The following ATXN7 variants were observed in gnomAD, a reference collection of about 807,000 sequenced individuals.
The protein encoded by ATXN7 is ataxin 7, also known as ataxin-7.
A neutral mutation model predicts 70.5 loss-of-function variants in ATXN7; 12 were observed. The ratio of observed to expected loss-of-function variants is 0.17; its 90% CI spans 0.11 to 0.28. The LOEUF is 0.28. Among genes scored for constraint, ATXN7 ranks in the 10% least tolerant of loss-of-function variants. ATXN7 has a pLI of 1.00. For synonymous variants in ATXN7, 498 were observed against 448.7 expected, an observed-to-expected ratio of 1.11 and a Z score of -1.39; for missense variants, 1,256 against 1,131.7, an observed-to-expected ratio of 1.11 and a Z score of -1.58.
At chr3:63,922,163 C>A (rs1162810652) in intron 4 of ATXN7, among the ~76,000 whole-genome samples, 1 of 152,158 alleles carries the variant, frequency 6.6e-6, no homozygotes, top group African/African-American at 2.4e-5. Context: ...TCTCAGCCTC[C>A]TGAGTAGCTG....
At chr3:63,949,874 G>T (rs575531280) in intron 4 of ATXN7, among the ~76,000 whole-genome samples, 82 of 152,288 alleles carry the variant, frequency 5.4e-4, no homozygotes, top group African/African-American at 1.8e-3. Context: ...CTTTCTTGCT[G>T]AGTGATATTA....
At position 63,988,325 on chromosome 3, in the gene ATXN7, G is replaced by A; in HGVS notation, c.1361+1G>A. ...AACCTCACACCCCCAGTCTTCCAAG[G>A]TAAGCCAGGCCCTCCAACTCTTTCT... is the stretch of plus-strand genomic sequence containing the variant. On this transcript the variant is annotated splice_donor_variant, in intron 9 of 12. Coordinates refer to ENST00000674280, the MANE Select transcript of ATXN7 (RefSeq NM_001377405.1). LOFTEE classifies it high-confidence loss of function. 1 of 1,613,980 alleles carries A rather than the reference G, an allele frequency of 6.2e-7. No homozygotes were observed. Among genetic ancestry groups the A allele is most frequent in the Non-Finnish European group, 8.5e-7 (1 of 1,179,990 alleles).
At chr3:63,911,493 A>G (rs912942889) in intron 2 of ATXN7, 1 of 152,210 alleles carries the variant, frequency 6.6e-6, no homozygotes, top group Non-Finnish European at 1.5e-5. Context: ...ACAACCATAA[A>G]GAGGGAAGGA....
chr3:63,996,762 G>A (rs1239985323), intron 12 of ATXN7: 2 of 431,632 alleles, frequency 4.6e-6, no homozygotes, highest in African/African-American at 2.0e-5. Flanking sequence ...AGAAAGCATC[G>A]GTTGTGACAG....
intron 8 of ATXN7, 87 bp downstream of exon 8, chr3:63,983,108 C>T: frequency 9.3e-7 from 1 of 1,070,928 alleles, no homozygotes. Context: ...GTCTCTCTAA[C>T]CCAGAGAAGA....
At position 63,980,029 on chromosome 3, in the gene ATXN7, G is replaced by T. The variant is rs751858038; in HGVS notation, c.614G>T (p.Arg205Leu). 3.1e-6 allele frequency: 5 copies of T among 1,614,164 alleles called. No homozygotes were observed. The highest frequency in any genetic ancestry group is 3.3e-5 in the Admixed American group (2 of 60,024). The change falls in exon 6 of 13, where the codon CGT becomes CTT. Residue 205 changes from arginine to leucine, a missense_variant. Arg to Leu is a moderately radical substitution (Grantham distance 102). Coordinates refer to ENST00000674280, the MANE Select transcript of ATXN7 (RefSeq NM_001377405.1). Reference sequence around the variant, plus strand: ...GGAGGCAGTGCAAGTGGAAGCAACCGTTCTTCCAGTGGAGGTGTTCTTAGC... The same window carrying T: ...GGAGGCAGTGCAAGTGGAAGCAACCTTTCTTCCAGTGGAGGTGTTCTTAGC... ...SKGGSASGSN[R>L]SSSGGVLSAS...
At chr3:63,921,281 A>G (rs770457008) in intron 4 of ATXN7, among the ~76,000 whole-genome samples, 8 of 152,194 alleles carry the variant, frequency 5.3e-5, no homozygotes, top group Non-Finnish European at 8.8e-5. Context: ...CCCAGGTTAT[A>G]CAGATGTTTT....
At chr3:63,986,128 T>C (rs533364494) in intron 8 of ATXN7, among the ~76,000 whole-genome samples, 1 of 152,126 alleles carries the variant, frequency 6.6e-6, no homozygotes, top group African/African-American at 2.4e-5. Flanking sequence ...GAGGAAACAA[T>C]ATGTGTGAAG....
chr3:63,980,200 C>A, intron 6 of ATXN7, 33 bp downstream of exon 6: 6 of 1,612,448 alleles, frequency 3.7e-6, no homozygotes, highest in Non-Finnish European at 5.1e-6. Flanking sequence ...TTAAAGCTTA[C>A]CTGCTGGAAA....
At chr3:63,899,505 C>G (rs555045075) in intron 2 of ATXN7, among the ~76,000 whole-genome samples, 2 of 152,230 alleles carry the variant, frequency 1.3e-5, no homozygotes, top group African/African-American at 4.8e-5. Flanking sequence ...AGTACAGTGG[C>G]TCACACCTGT....
At chr3:63,949,922 T>G (rs1273405519) in intron 4 of ATXN7, among the ~76,000 whole-genome samples, 1 of 152,184 alleles carries the variant, frequency 6.6e-6, no homozygotes, top group Non-Finnish European at 1.5e-5. Flanking sequence ...TGGGGATTAT[T>G]ATGTAGGGTT....
intron 4 of ATXN7, among the ~76,000 whole-genome samples, chr3:63,916,100 C>T (rs750581723): frequency 6.6e-6 from 1 of 152,270 alleles, no homozygotes; most frequent in South Asian, 2.1e-4. Flanking sequence ...GCTGCTTAAC[C>T]TTGCATTAGT....
intron 4 of ATXN7, among the ~76,000 whole-genome samples, chr3:63,936,904 T>C (rs573282136): frequency 6.6e-5 from 10 of 150,476 alleles, no homozygotes; most frequent in Non-Finnish European, 1.5e-5. Context: ...AGTGGAATAT[T>C]CAAGCTTATA....
At chr3:63,997,208 A>G (rs943184708) in intron 12 of ATXN7, among the ~76,000 whole-genome samples, 1 of 152,178 alleles carries the variant, frequency 6.6e-6, no homozygotes, top group Non-Finnish European at 1.5e-5. Context: ...CAGTGAGCCA[A>G]GATCGCGCCA....
intron 4 of ATXN7, among the ~76,000 whole-genome samples, chr3:63,930,708 T>G (rs187410803): frequency 1.5e-4 from 23 of 152,174 alleles, no homozygotes; most frequent in African/African-American, 4.3e-4. Flanking sequence ...TTTTTTGTAT[T>G]TTTATTAGAG....
intron 11 of ATXN7, among the ~76,000 whole-genome samples, chr3:63,993,514 C>G (rs1020852335): frequency 1.3e-5 from 2 of 151,602 alleles, no homozygotes; most frequent in African/African-American, 4.8e-5. Context: ...CCTCCTGTCT[C>G]CTACATGCTT....
intron 4 of ATXN7, among the ~76,000 whole-genome samples, chr3:63,932,379 A>G (rs2074564030): frequency 1.3e-5 from 2 of 152,158 alleles, no homozygotes; most frequent in Admixed American, 1.3e-4. Context: ...GGCATGCATC[A>G]TTTCAGATAG....
intron 4 of ATXN7, among the ~76,000 whole-genome samples, chr3:63,924,120 T>G (rs1336877112): frequency 6.6e-6 from 1 of 151,772 alleles, no homozygotes; most frequent in Non-Finnish European, 1.5e-5. Context: ...CGTTTGGAGG[T>G]GGAGTTTACA....
At chr3:63,965,992 G>A (rs1405810133) in intron 5 of ATXN7, among the ~76,000 whole-genome samples, 1 of 152,124 alleles carries the variant, frequency 6.6e-6, no homozygotes, top group Non-Finnish European at 1.5e-5. Flanking sequence ...TTTGTTTGTA[G>A]CATTTAAGAA....
Sources: gnomAD v4.1 joint callset for allele counts (sites outside exome capture counted in the v4.1 genomes callset) on GRCh38, gnomAD v4.1.1 for gene constraint, MANE v1.5 for transcripts, NCBI Gene and HGNC (gene_info 2026-07-23, HGNC 2026-07-21) for gene names.